NAV2: variants seen among roughly 807,000 people sequenced by gnomAD.
The protein encoded by NAV2 is helicase, APC down-regulated 1.
NAV2 carries 54 observed loss-of-function variants against 223.2 expected under a neutral mutation model. That is an observed-to-expected ratio of 0.24 (90% CI 0.19 to 0.30). NAV2 has a LOEUF of 0.30. Ranked by LOEUF, NAV2 falls within the 10% of genes least tolerant of loss-of-function variation. NAV2 has a pLI of 1.00. For synonymous variants in NAV2, 1,279 were observed against 1,239.3 expected, an observed-to-expected ratio of 1.03 and a Z score of -0.67; for missense variants, 2,806 against 3,147.5, an observed-to-expected ratio of 0.89 and a Z score of 2.60.
chr11:19,820,823 G>A (rs1590724315), intron 1 of NAV2, among the ~76,000 whole-genome samples: 1 of 152,214 alleles, frequency 6.6e-6, no homozygotes, highest in Non-Finnish European at 1.5e-5. Context: ...GTGAGTGAGA[G>A]ATTGTAGATG....
At chr11:19,813,693 A>T (rs1293889197) in intron 1 of NAV2, among the ~76,000 whole-genome samples, 2 of 152,202 alleles carry the variant, frequency 1.3e-5, no homozygotes, top group Non-Finnish European at 2.9e-5. Flanking sequence ...TGGAGGCTTC[A>T]CACGCTTCCA....
At chr11:19,768,527 C>T (rs2055423090) in intron 1 of NAV2, among the ~76,000 whole-genome samples, 2 of 151,980 alleles carry the variant, frequency 1.3e-5, no homozygotes, top group South Asian at 2.1e-4. Context: ...AGAACCGTGG[C>T]CTTTGTCCTG....
chr11:20,090,158 T>G (rs1565040036), intron 26 of NAV2, among the ~76,000 whole-genome samples: 1 of 152,192 alleles, frequency 6.6e-6, no homozygotes, highest in Non-Finnish European at 1.5e-5. Context: ...ATCTTTAGGT[T>G]TCATCCCCAT....
At chr11:19,454,439 C>A (rs575840926) in intron 1 of NAV2, among the ~76,000 whole-genome samples, 152 of 152,278 alleles carry the variant, frequency 1.0e-3, no homozygotes, top group African/African-American at 3.5e-3. Flanking sequence ...GGCCCATCAC[C>A]CTGAGCATTG....
intron 10 of NAV2, among the ~76,000 whole-genome samples, chr11:19,951,136 T>G (rs906544067): frequency 4.6e-5 from 7 of 152,212 alleles, no homozygotes; most frequent in African/African-American, 1.7e-4. Context: ...GAAAAAGGGT[T>G]CTGATTTCTA....
At chr11:19,366,909 T>C (rs1241638546) in intron 1 of NAV2, among the ~76,000 whole-genome samples, 1 of 152,174 alleles carries the variant, frequency 6.6e-6, no homozygotes, top group African/African-American at 2.4e-5. Flanking sequence ...GTTTAGGAGA[T>C]GCTATGATAT....
At chr11:20,039,423 C>A (rs767158327) in intron 12 of NAV2, among the ~76,000 whole-genome samples, 1 of 152,078 alleles carries the variant, frequency 6.6e-6, no homozygotes, top group Non-Finnish European at 1.5e-5. Flanking sequence ...TTTCTCTTAT[C>A]TCTCCCTCCC....
rs555821446 is a variant in NAV2 at position 19,734,274 on chromosome 11, C to A, written c.267+20312C>A. Among the ~76,000 whole-genome samples the A allele has an allele frequency of 9.3e-4, 141 of 152,228 alleles. 1 individual carries two copies. Among genetic ancestry groups the A allele is most frequent in the Non-Finnish European group, 8.7e-4 (59 of 68,030 alleles). ...GACAAGCTTTCAATTTACTAAATGC[C>A]TTTATTAAAATGGAAATGTGATATT... On this transcript the variant is annotated intron_variant, in intron 1 of 37. Coordinates refer to ENST00000349880, the MANE Select transcript of NAV2 (RefSeq NM_145117.5).
intron 1 of NAV2, among the ~76,000 whole-genome samples, chr11:19,552,329 A>T (rs915228375): frequency 6.6e-6 from 1 of 152,182 alleles, no homozygotes; most frequent in Non-Finnish European, 1.5e-5. Flanking sequence ...GGGAATTCAC[A>T]GTTTACAGTC....
chr11:19,623,330 A>C (rs1161937705), intron 1 of NAV2, among the ~76,000 whole-genome samples: 2 of 152,196 alleles, frequency 1.3e-5, no homozygotes, highest in African/African-American at 4.8e-5. Flanking sequence ...AGGTTGAGGA[A>C]GTTCTGCTGG....
intron 1 of NAV2, among the ~76,000 whole-genome samples, chr11:19,516,635 A>C (rs984891212): frequency 3.9e-5 from 6 of 152,162 alleles, no homozygotes; most frequent in Non-Finnish European, 8.8e-5. Flanking sequence ...GATAGAATGC[A>C]CTTGCAATTT....
intron 17 of NAV2, among the ~76,000 whole-genome samples, chr11:20,053,477 T>C (rs1177072053): frequency 6.6e-6 from 1 of 152,184 alleles, no homozygotes; most frequent in East Asian, 1.9e-4. Flanking sequence ...ACCATATACA[T>C]TTCAGAATAA....
chr11:20,045,582 C>T lies in NAV2; in HGVS notation c.3814C>T (p.Pro1272Ser). Residue 1272 changes from proline (P) to serine (S), a missense_variant, in exon 14 of 38, where the codon CCG becomes TCG. Physicochemically the swap from Pro to Ser is moderately conservative, Grantham distance 74. Around this residue, in one of 4 missense-constraint regions of NAV2, gnomAD observed 742 missense variants for 777.9 expected, o/e 0.95. Coordinates refer to ENST00000349880, the MANE Select transcript of NAV2 (RefSeq NM_145117.5). The part of the protein sequence containing the change: ...VASCNSVKVN[P>S]AAQPVSSPAQ... ...TTCCTGTAACTCGGTGAAAGTGAAT[C>T]CGGCAGCCCAGCCTGTGTCCAGTCC... is the stretch of plus-strand genomic sequence containing the variant. 6.2e-7 allele frequency: 1 copy of T among 1,614,214 alleles called. No individual in the cohort carries two copies. Among genetic ancestry groups the T allele is most frequent in the East Asian group, 2.2e-5 (1 of 44,878 alleles).
At chr11:19,830,036 C>T (rs1198337423) in intron 1 of NAV2, among the ~76,000 whole-genome samples, 2 of 152,098 alleles carry the variant, frequency 1.3e-5, no homozygotes, top group Admixed American at 6.5e-5. Context: ...ACCAGCCTGG[C>T]CAACATGGTG....
chr11:19,975,591 C>G (rs1319829654), intron 10 of NAV2, among the ~76,000 whole-genome samples: 5 of 152,190 alleles, frequency 3.3e-5, no homozygotes, highest in African/African-American at 1.2e-4. Context: ...CACAGAAATT[C>G]TCCACGTGAT....
At chr11:19,588,930 A>G (rs1053590832) in intron 1 of NAV2, among the ~76,000 whole-genome samples, 3 of 152,176 alleles carry the variant, frequency 2.0e-5, no homozygotes, top group Non-Finnish European at 2.9e-5. Context: ...CATGAACTCA[A>G]TGGGCAATTG....
chr11:19,838,939 T>C (rs1277845365), intron 2 of NAV2, among the ~76,000 whole-genome samples: 2 of 152,186 alleles, frequency 1.3e-5, no homozygotes, highest in African/African-American at 2.4e-5. Context: ...GCTTTTCACA[T>C]GCGCTGTTCT....
intron 3 of NAV2, among the ~76,000 whole-genome samples, chr11:19,862,911 G>GT (rs1213467269): frequency 2.6e-5 from 4 of 152,198 alleles, no homozygotes; most frequent in African/African-American, 9.7e-5. Context: ...TGGTTTCATA[G>GT]TTTTTTTCTT....
chr11:19,831,223 CGGGGGG>C (rs56829857), intron 1 of NAV2, among the ~76,000 whole-genome samples: 1 of 870 alleles, frequency 1.1e-3, no homozygotes, highest in African/African-American at 3.9e-3. Flanking sequence ...AGGAGTGTTG[CGGGGGG>C]GGGGGGGGCG....
Sources: allele counts gnomAD v4.1 joint callset (sites outside exome capture counted in the v4.1 genomes callset), GRCh38; gene constraint gnomAD v4.1.1; regional missense constraint gnomAD v4.1.1; transcripts MANE v1.5; gene names NCBI Gene and HGNC (gene_info 2026-07-23, HGNC 2026-07-21).